The following GGACT variants were observed in gnomAD, a reference collection of about 807,000 sequenced individuals.
GGACT encodes the protein gamma-glutamylaminecyclotransferase.
For missense variants in GGACT, 241 were observed against 233.2 expected (o/e 1.03, Z -0.22); for synonymous variants, 118 against 115.3 (o/e 1.02, Z -0.15).
intron 2 of GGACT, among the ~76,000 whole-genome samples, chr13:100,559,071 C>T (rs1259980959): frequency 6.6e-6 from 1 of 152,112 alleles, no homozygotes; most frequent in Admixed American, 6.5e-5. Flanking sequence ...GTTCTAAACC[C>T]ACCACGGTGA....
chr13:100,572,744 T>C (rs1341161283), intron 2 of GGACT, among the ~76,000 whole-genome samples: 1 of 152,134 alleles, frequency 6.6e-6, no homozygotes, highest in African/African-American at 2.4e-5. Context: ...AAAACATTTT[T>C]CAGATGATGT....
intron 2 of GGACT, chr13:100,540,370 A>C: frequency 3.1e-6 from 2 of 647,142 alleles, no homozygotes; most frequent in Non-Finnish European, 5.5e-6. Flanking sequence ...CTTTCTAGGA[A>C]TTTGTCCATT....
intron 2 of GGACT, among the ~76,000 whole-genome samples, chr13:100,548,318 A>G (rs2153013774): frequency 6.6e-6 from 1 of 152,380 alleles, no homozygotes; most frequent in African/African-American, 2.4e-5. Context: ...AAACATCTTA[A>G]GGTTGTATTG....
chr13:100,544,923 C>T (rs1056450050), intron 2 of GGACT, among the ~76,000 whole-genome samples: 2 of 152,234 alleles, frequency 1.3e-5, no homozygotes, highest in Non-Finnish European at 2.9e-5. Context: ...GGATGGAGAA[C>T]CGGCCAGGGC....
Position 100,532,120 on chromosome 13 carries a change from C to CCCGT in GGACT, c.*6_*9dup. 7.0e-7 allele frequency: 1 copy of CCCGT among 1,436,686 alleles called. No individual in the cohort carries two copies. The highest frequency in any genetic ancestry group is 1.5e-5 in the South Asian group (1 of 64,920). 89.0% of individuals were successfully genotyped at this position (1,436,686 alleles called of 1,614,324 possible). A position where few individuals can be genotyped will look rare whatever the true frequency, so the allele number is the denominator to read the frequency against. On this transcript the variant is annotated 3_prime_UTR_variant, in exon 3 of 3. Transcript: ENST00000683975. Reference sequence around the variant, plus strand: ...GGCTCTCAAACCTAGGCCCACCCTGCCCGTCCCCCTTATCTGTTCTCCCGG... The same window carrying CCCGT: ...GGCTCTCAAACCTAGGCCCACCCTGCCCGTCCGTCCCCCTTATCTGTTCTCCCGG...
At chr13:100,539,152 T>C (rs1279278038) in intron 2 of GGACT, 1 of 152,262 alleles carries the variant, frequency 6.6e-6, no homozygotes, top group Non-Finnish European at 1.5e-5. Context: ...TGTTTACAAA[T>C]AGAGTTAATT....
At chr13:100,542,006 A>G (rs752304946) in intron 2 of GGACT, among the ~76,000 whole-genome samples, 5 of 152,182 alleles carry the variant, frequency 3.3e-5, no homozygotes, top group Admixed American at 1.3e-4. Context: ...TACCTTTCTG[A>G]TTGTGTTTTG....
chr13:100,579,667 C>T (rs1294263955), intron 2 of GGACT, among the ~76,000 whole-genome samples: 1 of 152,172 alleles, frequency 6.6e-6, no homozygotes, highest in Non-Finnish European at 1.5e-5. Context: ...GGCTTCCCTA[C>T]TCGGTCTATT....
Position 100,540,072 on chromosome 13 carries a change from G to A in GGACT, c.-10-7471C>T, listed in dbSNP as rs572892475. ...ACAGCTTGGGAAGCACATAGGCATC[G>A]AAGACGCTCGCTTCAGAAATGTCCC... On this transcript the variant is annotated intron_variant, in intron 2 of 2. Transcript: ENST00000683975. The A allele has an allele frequency of 5.5e-5, 76 of 1,371,128 alleles. 1 individual carries two copies. The African/African-American group carries it at 7.4e-4, about 13-fold the overall frequency. The allele number at this position is 1,371,128 out of a possible 1,614,324, so 84.9% of individuals were successfully genotyped here.
chr13:100,539,958 G>C (rs2088536286), intron 2 of GGACT: 6 of 1,553,258 alleles, frequency 3.9e-6, no homozygotes, highest in Non-Finnish European at 5.3e-6. Flanking sequence ...ATCGAGGTGG[G>C]GGTGTTCGGT....
intron 2 of GGACT, among the ~76,000 whole-genome samples, chr13:100,573,884 CA>C (rs34897728): frequency 0.027 from 3,225 of 119,142 alleles, 97 homozygotes; most frequent in African/African-American, 0.1. Flanking sequence ...ATCAAAAAGT[CA>C]AAAAAAAAAA....
At chr13:100,544,347 G>A (rs1294553837) in intron 2 of GGACT, among the ~76,000 whole-genome samples, 3 of 152,228 alleles carry the variant, frequency 2.0e-5, no homozygotes, top group African/African-American at 4.8e-5. Flanking sequence ...TCTTCCCCGC[G>A]CGGCTCGGGG....
At chr13:100,585,378 G>A (rs1259203977) in intron 1 of GGACT, among the ~76,000 whole-genome samples, 1 of 152,194 alleles carries the variant, frequency 6.6e-6, no homozygotes, top group African/African-American at 2.4e-5. Flanking sequence ...CGATGGCAGA[G>A]CTGAGCAGTT....
At chr13:100,561,551 T>C (rs1229448632) in intron 2 of GGACT, among the ~76,000 whole-genome samples, 2 of 152,188 alleles carry the variant, frequency 1.3e-5, no homozygotes, top group East Asian at 1.9e-4. Flanking sequence ...TACCTGGGGC[T>C]ATTAACACCA....
At chr13:100,558,136 T>C (rs1424259861) in intron 2 of GGACT, among the ~76,000 whole-genome samples, 1 of 145,966 alleles carries the variant, frequency 6.9e-6, no homozygotes, top group African/African-American at 2.6e-5. Context: ...GCTGAGATTG[T>C]GCCACTGCGC....
intron 2 of GGACT, among the ~76,000 whole-genome samples, chr13:100,570,577 C>T (rs1875052249): frequency 1.3e-5 from 2 of 152,128 alleles, no homozygotes; most frequent in African/African-American, 4.8e-5. Context: ...TGGGTGGAGA[C>T]ACAGCCAAAT....
intron 2 of GGACT, among the ~76,000 whole-genome samples, chr13:100,572,649 C>T (rs1875121953): frequency 6.6e-6 from 1 of 152,150 alleles, no homozygotes. Context: ...GCACTGCAGC[C>T]TCAAACTCCT....
chr13:100,567,846 C>A (rs1042929230), intron 2 of GGACT, among the ~76,000 whole-genome samples: 1 of 152,218 alleles, frequency 6.6e-6, no homozygotes, highest in African/African-American at 2.4e-5. Context: ...CTGGCTCCCA[C>A]TAGCCTGAAT....
intron 2 of GGACT, among the ~76,000 whole-genome samples, chr13:100,580,666 C>T (rs535726225): frequency 6.6e-6 from 1 of 152,218 alleles, no homozygotes; most frequent in Non-Finnish European, 1.5e-5. Flanking sequence ...GCTGCCTTGG[C>T]TTAGGCAGAA....
Sources: allele counts gnomAD v4.1 joint callset (sites outside exome capture counted in the v4.1 genomes callset), GRCh38; gene constraint gnomAD v4.1.1; transcripts MANE v1.5; gene names NCBI Gene and HGNC (gene_info 2026-07-23, HGNC 2026-07-21).